Variants in NEGR1 observed in about 807,000 individuals in gnomAD.
The protein encoded by NEGR1 is IgLON family member 4.
Under a neutral mutation model 40.9 loss-of-function variants are expected in NEGR1, and 10 were observed. That is an observed-to-expected ratio of 0.24 (90% CI 0.15 to 0.42). The LOEUF (loss-of-function observed/expected upper bound fraction) is 0.42, where lower values mean the gene tolerates loss of function less well. NEGR1 is among the 10% of genes least tolerant of loss of function. NEGR1 has a pLI of 1.00. For synonymous variants in NEGR1, 185 were observed against 166.8 expected (o/e 1.11, Z -0.84); for missense variants, 352 against 438.9 (o/e 0.80, Z 1.77).
chr1:71,885,013 G>T (rs3909664), intron 2 of NEGR1, among the ~76,000 whole-genome samples: 32,536 of 152,098 alleles, frequency 0.21, 4,277 homozygotes, highest in East Asian at 0.5. Context: ...GAATCCTTCT[G>T]CTTTGACCAA....
intron 3 of NEGR1, among the ~76,000 whole-genome samples, chr1:71,746,792 ACAG>A (rs1193413926): frequency 2.0e-5 from 3 of 151,950 alleles, no homozygotes; most frequent in Non-Finnish European, 4.4e-5. Context: ...ACACACACAC[ACAG>A]ATTTCTAAAG....
intron 1 of NEGR1, among the ~76,000 whole-genome samples, chr1:72,012,989 GA>G (rs1188064963): frequency 1.3e-5 from 2 of 151,178 alleles, no homozygotes; most frequent in African/African-American, 4.9e-5. Context: ...ATTAATAGGA[GA>G]TATGGCATAT....
At chr1:71,495,375 G>A (rs1329748388) in intron 6 of NEGR1, among the ~76,000 whole-genome samples, 1 of 152,014 alleles carries the variant, frequency 6.6e-6, no homozygotes, top group East Asian at 1.9e-4. Flanking sequence ...TACTTGGGAG[G>A]CTGAGGGAGG....
intron 1 of NEGR1, among the ~76,000 whole-genome samples, chr1:71,983,743 T>C (rs78682238): frequency 6.6e-6 from 1 of 152,206 alleles, no homozygotes; most frequent in African/African-American, 2.4e-5. Context: ...TGCATACATG[T>C]ACAACTGTGC....
At chr1:71,973,487 CT>C (rs1197772609) in intron 1 of NEGR1, among the ~76,000 whole-genome samples, 1 of 152,002 alleles carries the variant, frequency 6.6e-6, no homozygotes, top group East Asian at 1.9e-4. Flanking sequence ...TATAAAAGCT[CT>C]AGAAATCTAA....
chr1:72,238,989 T>C (rs1204404899), intron 1 of NEGR1, among the ~76,000 whole-genome samples: 1 of 151,852 alleles, frequency 6.6e-6, no homozygotes, highest in Admixed American at 6.6e-5. Context: ...GTATTTTTCC[T>C]TCCTGAGCAT....
chr1:72,032,449 G>A (rs1014570765), intron 1 of NEGR1, among the ~76,000 whole-genome samples: 10 of 152,152 alleles, frequency 6.6e-5, no homozygotes, highest in African/African-American at 2.4e-4. Context: ...CAGAAAGCTA[G>A]AGTTAAAGGA....
intron 2 of NEGR1, among the ~76,000 whole-genome samples, chr1:71,895,604 G>C (rs1660949510): frequency 6.6e-6 from 1 of 150,518 alleles, no homozygotes; most frequent in Non-Finnish European, 1.5e-5. Context: ...TCAAGATTCA[G>C]CTATATTGTA....
At chr1:71,559,101 A>G (rs1370183080) in intron 6 of NEGR1, among the ~76,000 whole-genome samples, 2 of 149,128 alleles carry the variant, frequency 1.3e-5, no homozygotes, top group Non-Finnish European at 3.0e-5. Flanking sequence ...ATGACTTCAT[A>G]TTCATATCTC....
At chr1:71,786,710 G>A (rs1656923162) in intron 2 of NEGR1, among the ~76,000 whole-genome samples, 1 of 151,992 alleles carries the variant, frequency 6.6e-6, no homozygotes, top group Non-Finnish European at 1.5e-5. Context: ...TATCAACATG[G>A]CCACAAATTT....
intron 4 of NEGR1, among the ~76,000 whole-genome samples, chr1:71,611,432 C>T (rs952568401): frequency 3.3e-5 from 5 of 152,156 alleles, no homozygotes; most frequent in Non-Finnish European, 7.3e-5. Context: ...GAGGGTAACA[C>T]TCCATCTGTA....
At position 71,920,890 on chromosome 1, in the gene NEGR1, C is replaced by T. The variant is rs553432787; in HGVS notation, c.409+14189G>A. Among the ~76,000 whole-genome samples the T allele has an allele frequency of 3.3e-5, 5 of 152,248 alleles. No individual in the cohort carries two copies. In the East Asian group the frequency reaches 7.7e-4, roughly 24 times the overall value. ...CTGTAAGTTATTTTTCTTAAAGTTT[C>T]AGTCTGTGTGGTAATGAAAGACTCC... On this transcript the variant is annotated intron_variant, in intron 2 of 6. Transcript: ENST00000357731.
rs536757743 is a variant in NEGR1, at chr1:71,401,691, C to G, written c.*5755G>C. ...TTTAAAAGTGTGTATGTATTCTGAT[C>G]TCCATTTCCCCCAAAATTCTGTTGA... On this transcript the variant is annotated 3_prime_UTR_variant, in exon 7 of 7. Coordinates refer to ENST00000357731, the MANE Select transcript of NEGR1 (RefSeq NM_173808.3). The G allele has an allele frequency of 6.6e-6, 1 of 152,184 alleles. No individual in the cohort carries two copies. The highest frequency in any genetic ancestry group is 1.5e-5 in the Non-Finnish European group (1 of 68,034). The allele number at this position is 152,184 out of a possible 1,614,324, so 9.4% of individuals were successfully genotyped here. A position where few individuals can be genotyped will look rare whatever the true frequency, so the allele number is the denominator to read the frequency against.
intron 1 of NEGR1, among the ~76,000 whole-genome samples, chr1:72,101,104 G>A (rs1295362387): frequency 6.6e-6 from 1 of 152,148 alleles, no homozygotes; most frequent in African/African-American, 2.4e-5. Flanking sequence ...AATTTTCACA[G>A]GGGACGTATT....
intron 1 of NEGR1, among the ~76,000 whole-genome samples, chr1:72,171,199 A>G (rs1651951060): frequency 6.6e-6 from 1 of 152,208 alleles, no homozygotes; most frequent in South Asian, 2.1e-4. Flanking sequence ...GGAAGAATCA[A>G]AAATTAAAAG....
At chr1:71,852,471 TA>T (rs1418215695) in intron 2 of NEGR1, among the ~76,000 whole-genome samples, 1 of 152,148 alleles carries the variant, frequency 6.6e-6, no homozygotes, top group East Asian at 1.9e-4. Context: ...AAGTGCCTTC[TA>T]AATCTTATCT....
rs563614160 is a variant in NEGR1, at chr1:71,713,368, A to G, written c.536-15229T>C. ...AATCCTATAAATTAGTTGTTTATAG[A>G]ATCCTATAAACTAGTTGTTTCCCTT... On this transcript the variant is annotated intron_variant, in intron 3 of 6. Transcript: ENST00000357731. Among the ~76,000 whole-genome samples, 4 of 152,320 alleles carry G rather than the reference A, an allele frequency of 2.6e-5. No homozygotes were observed. The East Asian group carries it at 7.7e-4, about 29-fold the overall frequency.
At chr1:72,236,990 AC>A (rs1441459125) in intron 1 of NEGR1, among the ~76,000 whole-genome samples, 1 of 152,008 alleles carries the variant, frequency 6.6e-6, no homozygotes, top group Non-Finnish European at 1.5e-5. Context: ...AATAAAAAAT[AC>A]ATTCTTGAGT....
chr1:71,779,800 T>C (rs1656637131), intron 2 of NEGR1, among the ~76,000 whole-genome samples: 1 of 151,932 alleles, frequency 6.6e-6, no homozygotes, highest in South Asian at 2.1e-4. Context: ...AACTCCTGAC[T>C]TCAGGTGATC....
Sources: gnomAD v4.1 joint callset for allele counts (sites outside exome capture counted in the v4.1 genomes callset) on GRCh38, gnomAD v4.1.1 for gene constraint, MANE v1.5 for transcripts, NCBI Gene and HGNC (gene_info 2026-07-23, HGNC 2026-07-21) for gene names.